Variants in NR4A1 observed in about 807,000 individuals in gnomAD.
NR4A1 encodes the protein nuclear receptor subfamily 4 group A member 1.
Under a neutral mutation model 47.5 loss-of-function variants are expected in NR4A1, and 24 were observed. That is an observed-to-expected ratio of 0.50 (90% CI 0.37 to 0.71). The LOEUF (loss-of-function observed/expected upper bound fraction) is 0.71, where lower values mean the gene tolerates loss of function less well. Ranked by LOEUF, NR4A1 falls within the 30% of genes least tolerant of loss-of-function variation. The probability of loss-of-function intolerance (pLI) is 0.00; values close to 1 mark genes in which losing one functional copy is unlikely to be tolerated. For synonymous variants in NR4A1, 353 were observed against 345.7 expected, an observed-to-expected ratio of 1.02 and a Z score of -0.24; for missense variants, 669 against 788.6, an observed-to-expected ratio of 0.85 and a Z score of 1.82.
rs2120524431 is a variant in NR4A1 at position 52,057,100 on chromosome 12, G to A, written c.1202G>A (p.Gly401Glu). ...VLPHFGKEDA[G>E]DVQQFYDLLS... is the part of the protein sequence containing the mutation. ...CCCCACTTTGGGAAGGAAGATGCTG[G>A]GGATGTACAGCAGTTCTACGACCTG... The change falls in exon 5 of 7, where the codon GGG (glycine) becomes GAG (glutamate). Residue 401 changes from glycine (G) to glutamate (E), a missense_variant. Physicochemically the swap from Gly to Glu is moderately conservative, Grantham distance 98. Coordinates refer to ENST00000394825, the MANE Select transcript of NR4A1 (RefSeq NM_173157.3). The A allele has an allele frequency of 6.2e-7, 1 of 1,612,142 alleles. No individual in the cohort carries two copies. The highest frequency in any genetic ancestry group is 1.7e-5 in the Admixed American group (1 of 59,800).
chr12:52,035,775 G>A (rs1391398288), intron 1 of NR4A1, among the ~76,000 whole-genome samples: 1 of 152,172 alleles, frequency 6.6e-6, no homozygotes, highest in Non-Finnish European at 1.5e-5. Context: ...GTTGCGCCAA[G>A]AGTTTAGGAT....
chr12:52,043,213 G>GT (rs1442692276), intron 2 of NR4A1, among the ~76,000 whole-genome samples: 2 of 152,180 alleles, frequency 1.3e-5, no homozygotes, highest in African/African-American at 4.8e-5. Context: ...AGAGGCAGGT[G>GT]TTCTCTGGTC....
At chr12:52,039,907 T>C (rs1327295895) in intron 1 of NR4A1, among the ~76,000 whole-genome samples, 1 of 151,860 alleles carries the variant, frequency 6.6e-6, no homozygotes. Context: ...AGGCCCTGAG[T>C]GGGGAGAGAA....
chr12:52,028,809 C>T (rs1424727063), intron 1 of NR4A1, among the ~76,000 whole-genome samples: 1 of 150,982 alleles, frequency 6.6e-6, no homozygotes, highest in Non-Finnish European at 1.5e-5. Context: ...GAGGCTGAAG[C>T]AGAGAATTAC....
At chr12:52,036,242 A>G (rs1209646091) in intron 1 of NR4A1, among the ~76,000 whole-genome samples, 1 of 152,084 alleles carries the variant, frequency 6.6e-6, no homozygotes, top group Non-Finnish European at 1.5e-5. Flanking sequence ...GTCACATGGG[A>G]GAGAGAAACC....
At position 52,054,310 on chromosome 12, in the gene NR4A1, G is replaced by A; in HGVS notation, c.-2-17G>A. The A allele has an allele frequency of 6.3e-7, 1 of 1,584,254 alleles. No individual in the cohort carries two copies. On this transcript the variant is annotated splice_polypyrimidine_tract_variant and intron_variant, in intron 1 of 6. Transcript: ENST00000394825. ...ACTGACTCTCCTTTCCCTCCCTGGG[G>A]TCTCCTCTCTCTCCAGAGATGCCCT...
At position 52,056,171 on chromosome 12, in the gene NR4A1, G is replaced by A. The variant is rs763164361; in HGVS notation, c.1006+12G>A. On this transcript the variant is annotated intron_variant, in intron 3 of 6. Coordinates refer to ENST00000394825, the MANE Select transcript of NR4A1 (RefSeq NM_173157.3). The stretch of plus-strand genomic sequence containing the variant: ...CATGGTGAAGGAAGGTGTGTGGCTG[G>A]GGTGCGGCCCAGCGGGGCAAGGGTA... 6.3e-7 allele frequency: 1 copy of A among 1,593,456 alleles called. No homozygotes were observed. The highest frequency in any genetic ancestry group is 8.5e-7 in the Non-Finnish European group (1 of 1,170,052).
intron 1 of NR4A1, chr12:52,038,207 G>A: frequency 2.6e-6 from 1 of 381,992 alleles, no homozygotes; most frequent in Non-Finnish European, 3.6e-6. Flanking sequence ...TGGGACTACA[G>A]GCACCCACCA....
At chr12:52,044,369 C>G in intron 2 of NR4A1, among the ~76,000 whole-genome samples, 1 of 152,198 alleles carries the variant, frequency 6.6e-6, no homozygotes. Flanking sequence ...TTGCCGGGCC[C>G]TTGCCCGGCC....
At chr12:52,052,034 C>T (rs2059001385) in intron 1 of NR4A1, among the ~76,000 whole-genome samples, 1 of 152,098 alleles carries the variant, frequency 6.6e-6, no homozygotes, top group African/African-American at 2.4e-5. Context: ...CTCCCAGTGT[C>T]CCGGTTGTTT....
At chr12:52,049,194 G>T (rs997207505), upstream of NR4A1, among the ~76,000 whole-genome samples, 3 of 152,192 alleles carry the variant, frequency 2.0e-5, no homozygotes, top group Non-Finnish European at 4.4e-5. Flanking sequence ...AAGTCCCACT[G>T]TTGGCCCTGT....
intron 6 of NR4A1, 128 bp downstream of exon 6, chr12:52,057,658 C>T: frequency 9.7e-7 from 1 of 1,026,574 alleles, no homozygotes; most frequent in African/African-American, 1.6e-5. Context: ...CTGCACTGCC[C>T]CGGGCTCATG....
intron 2 of NR4A1, chr12:52,043,740 C>T: frequency 1.6e-6 from 2 of 1,283,042 alleles, no homozygotes; most frequent in Non-Finnish European, 1.0e-6. Flanking sequence ...AGAGCTCGCT[C>T]AGCTGCTGCC....
intron 1 of NR4A1, among the ~76,000 whole-genome samples, chr12:52,040,820 C>T (rs1281588787): frequency 6.6e-6 from 1 of 152,234 alleles, no homozygotes; most frequent in Non-Finnish European, 1.5e-5. Context: ...ATCTCCTTCT[C>T]TTTTCCCAGA....
At position 52,039,327 on chromosome 12, in the gene NR4A1, C is replaced by T. The variant is rs532012334; in HGVS notation, c.-83-2483C>T. ...CTCAGGAGGCCACCAGGACCTGTCA[C>T]GCAGAGGGCCTGTCAGCGGTGTCCT... is the stretch of plus-strand genomic sequence containing the variant. On this transcript the variant is annotated intron_variant, in intron 1 of 7. Coordinates refer to the NR4A1 transcript ENST00000360284. 2.6e-4 allele frequency among the ~76,000 whole-genome samples: 40 copies of T among 152,328 alleles called. 1 individual carries two copies. Among genetic ancestry groups the T allele is most frequent in the African/African-American group, 7.2e-4 (30 of 41,570 alleles).
Position 52,041,757 on chromosome 12 carries a change from G to C in NR4A1, c.-83-53G>C, listed in dbSNP as rs1158918209. On this transcript the variant is annotated intron_variant, in intron 1 of 7. Coordinates refer to the NR4A1 transcript ENST00000360284. ...GTGTCCTGGGCATGCTGTCTCCAGG[G>C]AATGTGCCTGCTGGCTGGTTTCTCT... The C allele has an allele frequency of 7.1e-6, 9 of 1,260,918 alleles. 1 individual carries two copies. Among genetic ancestry groups the C allele is most frequent in the Admixed American group, 3.8e-5 (1 of 26,018 alleles). The allele number at this position is 1,260,918 out of a possible 1,614,324, so 78.1% of individuals were successfully genotyped here. A position where few individuals can be genotyped will look rare whatever the true frequency, so the allele number is the denominator to read the frequency against.
At chr12:52,052,268 CGTGTGTG>C (rs1939006092) in intron 1 of NR4A1, among the ~76,000 whole-genome samples, 1 of 129,920 alleles carries the variant, frequency 7.7e-6, no homozygotes, top group African/African-American at 3.2e-5. Context: ...GCTTGGATCA[CGTGTGTG>C]TGTGTGTGTG....
intron 1 of NR4A1, among the ~76,000 whole-genome samples, chr12:52,027,535 T>C (rs922310675): frequency 1.6e-4 from 24 of 152,368 alleles, no homozygotes; most frequent in African/African-American, 5.3e-4. Context: ...GAGCAAGCAC[T>C]TGGATCTCTG....
intron 1 of NR4A1, among the ~76,000 whole-genome samples, chr12:52,039,807 G>C (rs1358067615): frequency 6.6e-6 from 1 of 152,218 alleles, no homozygotes; most frequent in African/African-American, 2.4e-5. Flanking sequence ...GGTGGGGTGG[G>C]GATGCAAGCT....
Sources: allele counts gnomAD v4.1 joint callset (sites outside exome capture counted in the v4.1 genomes callset), GRCh38; gene constraint gnomAD v4.1.1; transcripts MANE v1.5; gene names NCBI Gene and HGNC (gene_info 2026-07-23, HGNC 2026-07-21).